The following NFIC variants were observed in gnomAD, a reference collection of about 807,000 sequenced individuals.
NFIC encodes nuclear factor I C.
In NFIC, 12 loss-of-function variants were observed where a neutral mutation model predicts 54.4. That is an observed-to-expected ratio of 0.22 (90% confidence interval 0.14 to 0.36). NFIC has a LOEUF of 0.36. Ranked by LOEUF, NFIC falls within the 10% of genes least tolerant of loss-of-function variation. The pLI, the probability that NFIC is intolerant of heterozygous loss-of-function variation, is 1.00. For synonymous variants in NFIC, 322 were observed against 319.2 expected (o/e 1.01, Z -0.09); for missense variants, 575 against 718.2 (o/e 0.80, Z 2.28).
At chr19:3,413,597 A>G (rs2081800369) in intron 2 of NFIC, among the ~76,000 whole-genome samples, 1 of 152,114 alleles carries the variant, frequency 6.6e-6, no homozygotes, top group Non-Finnish European at 1.5e-5. Context: ...CAATGGAGGC[A>G]ACATTTGCAG....
At chr19:3,433,688 TC>T in intron 4 of NFIC, 96 bp downstream of exon 4, 1 of 1,340,050 alleles carries the variant, frequency 7.5e-7, no homozygotes. Context: ...CCTTGTCCTT[TC>T]CAGACAACCC....
At chr19:3,419,918 C>G (rs951479933) in intron 2 of NFIC, among the ~76,000 whole-genome samples, 2 of 152,142 alleles carry the variant, frequency 1.3e-5, no homozygotes, top group Non-Finnish European at 2.9e-5. Flanking sequence ...TAACCCCGTA[C>G]TTAGTGGTGA....
At chr19:3,407,099 T>C (rs776780690) in intron 2 of NFIC, among the ~76,000 whole-genome samples, 1 of 152,016 alleles carries the variant, frequency 6.6e-6, no homozygotes, top group Non-Finnish European at 1.5e-5. Flanking sequence ...GACTTTTAGA[T>C]ATTTGGTTTT....
chr19:3,434,248 G>A lies in NFIC; in HGVS notation c.710-29G>A. The A allele has an allele frequency of 1.9e-6, 3 of 1,596,004 alleles. No individual in the cohort carries two copies. In the South Asian group the frequency reaches 3.4e-5, roughly 18 times the overall value. On this transcript the variant is annotated intron_variant, in intron 4 of 10. Coordinates refer to ENST00000443272, the MANE Select transcript of NFIC (RefSeq NM_001245002.2). ...ACCGCAGCACTGGGCACTGCTTCCT[G>A]CCTCACTCTCCTCTGTCACCCTCTG... is the stretch of plus-strand genomic sequence containing the variant.
intron 6 of NFIC, 49 bp from the exon 7 acceptor site, chr19:3,448,965 T>C: frequency 1.3e-6 from 2 of 1,580,546 alleles, no homozygotes; most frequent in Middle Eastern, 1.7e-4. Context: ...GGTCCAGGGC[T>C]CATGGGGTGT....
chr19:3,452,562 T>A lies in NFIC; in HGVS notation c.1165T>A (p.Phe389Ile). The change falls in exon 8 of 11, where the codon TTC (phenylalanine) becomes ATC (isoleucine). Residue 389 changes from phenylalanine to isoleucine, a missense_variant. Physicochemically the swap from Phe to Ile is conservative, Grantham distance 21. Around this residue, in one of 3 missense-constraint regions of NFIC, gnomAD observed 447 missense variants for 526.9 expected, o/e 0.85. Transcript: ENST00000443272. This position sits in a 1 kb window ranked among gnomAD's most constrained non-coding sequence, Gnocchi z 5.3. ...SILPQTASTY[F>I]PHTAIRYPPH... The stretch of plus-strand genomic sequence containing the variant: ...CCTACCCCAGACGGCCTCCACCTAC[T>A]TCCCCCACACGGCCATCCGCTACCC... 1 of 1,613,764 alleles carries A rather than the reference T, an allele frequency of 6.2e-7. No individual in the cohort carries two copies. Among genetic ancestry groups the A allele is most frequent in the East Asian group, 2.2e-5 (1 of 44,872 alleles).
Position 3,465,537 on chromosome 19 carries a change from T to G in NFIC, c.*2768T>G, listed in dbSNP as rs1363880825. 6.6e-6 allele frequency: 1 copy of G among 151,032 alleles called. No individual in the cohort carries two copies. The highest frequency in any genetic ancestry group is 1.5e-5 in the Non-Finnish European group (1 of 67,850). The allele number at this position is 151,032 out of a possible 1,614,324, so 9.4% of individuals were successfully genotyped here. On this transcript the variant is annotated 3_prime_UTR_variant, in exon 11 of 11. Coordinates refer to ENST00000443272, the MANE Select transcript of NFIC (RefSeq NM_001245002.2). ...CAGCCCCTGGCTGTCCTTGGTCCTG[T>G]CTCCCCTCCTGCTGTATTCAGGGGT...
chr19:3,366,632 C>T lies in NFIC; in HGVS notation c.-5C>T. 6.7e-7 allele frequency: 1 copy of T among 1,500,074 alleles called. No individual in the cohort carries two copies. The highest frequency in any genetic ancestry group is 8.8e-7 in the Non-Finnish European group (1 of 1,131,090). The allele number at this position is 1,500,074 out of a possible 1,614,324, so 92.9% of individuals were successfully genotyped here. A position where few individuals can be genotyped will look rare whatever the true frequency, so the allele number is the denominator to read the frequency against. The stretch of plus-strand genomic sequence containing the variant: ...GCCGGCCCTGCGCCTCCCGCCGCGC[C>T]CGGGATGTATTCGTCCCCGCTCTGC... On this transcript the variant is annotated 5_prime_UTR_variant, in exon 1 of 11. Coordinates refer to ENST00000443272, the MANE Select transcript of NFIC (RefSeq NM_001245002.2).
chr19:3,380,750 G>A (rs913454877), intron 1 of NFIC, among the ~76,000 whole-genome samples: 1 of 149,464 alleles, frequency 6.7e-6, no homozygotes, highest in Admixed American at 6.8e-5. Flanking sequence ...TCCCACCCCA[G>A]CCTCCCAACT....
intron 2 of NFIC, among the ~76,000 whole-genome samples, chr19:3,413,074 G>A (rs532370541): frequency 5.9e-5 from 9 of 152,218 alleles, no homozygotes; most frequent in East Asian, 1.9e-4. Flanking sequence ...TCAGCCTTCC[G>A]AGTAGCTGGG....
chr19:3,447,630 C>T (rs2082392807), intron 6 of NFIC, among the ~76,000 whole-genome samples: 1 of 152,262 alleles, frequency 6.6e-6, no homozygotes, highest in African/African-American at 2.4e-5. Flanking sequence ...CCTGCACAGG[C>T]ACCCCTGGCC....
chr19:3,395,979 G>T (rs1475793377), intron 2 of NFIC, among the ~76,000 whole-genome samples: 1 of 152,096 alleles, frequency 6.6e-6, no homozygotes. Flanking sequence ...ATTTTTCGTA[G>T]ACAGGAGGTC....
chr19:3,382,233 G>T lies in NFIC; in HGVS notation c.552G>T (p.Val184=). 6.2e-7 allele frequency: 1 copy of T among 1,601,530 alleles called. No individual in the cohort carries two copies. The highest frequency in any genetic ancestry group is 8.5e-7 in the Non-Finnish European group (1 of 1,178,790). ...KELDLYLAYF[V]RERDAEQSGS... ...TGGACCTCTACCTGGCCTACTTCGT[G>T]CGTGAGCGAGGTGAGGTGTGGTGGC... The change falls in exon 2 of 11, where the codon GTG becomes GTT. Residue 184 remains valine (V), a synonymous_variant. Transcript: ENST00000443272.
chr19:3,388,914 A>G (rs1430879768), intron 2 of NFIC, among the ~76,000 whole-genome samples: 2 of 152,118 alleles, frequency 1.3e-5, no homozygotes, highest in Non-Finnish European at 2.9e-5. Flanking sequence ...CTGAGGCAGG[A>G]GAGTCGCTTG....
chr19:3,433,438 G>A lies in NFIC; in HGVS notation c.635-80G>A. The A allele has an allele frequency of 2.1e-6, 3 of 1,455,774 alleles. No individual in the cohort carries two copies. The South Asian group carries it at 3.4e-5, about 17-fold the overall frequency. 90.2% of individuals were successfully genotyped at this position (1,455,774 alleles called of 1,614,324 possible). A position where few individuals can be genotyped will look rare whatever the true frequency, so the allele number is the denominator to read the frequency against. ...ACGTCCAGGCTCGGGCCAGCCCCCA[G>A]GAGTCCAGGCAGCCCTGGAGTGTGG... On this transcript the variant is annotated intron_variant, in intron 3 of 10. Transcript: ENST00000443272.
At position 3,464,185 on chromosome 19, in the gene NFIC, G is replaced by C. The variant is rs1159671768; in HGVS notation, c.*1416G>C. 1.0e-6 allele frequency: 1 copy of C among 985,222 alleles called. No individual in the cohort carries two copies. Among genetic ancestry groups the C allele is most frequent in the African/African-American group, 1.7e-5 (1 of 57,204 alleles). 61.0% of individuals were successfully genotyped at this position (985,222 alleles called of 1,614,324 possible). Reference sequence around the variant, plus strand: ...GCACTTTCATCGCCTACCCCGACGCGGGGCCCAGCTGCGGGACGTGCATCA... The same window carrying C: ...GCACTTTCATCGCCTACCCCGACGCCGGGCCCAGCTGCGGGACGTGCATCA... On this transcript the variant is annotated 3_prime_UTR_variant, in exon 11 of 11. Coordinates refer to ENST00000443272, the MANE Select transcript of NFIC (RefSeq NM_001245002.2).
At chr19:3,419,544 G>A (rs923401642) in intron 2 of NFIC, among the ~76,000 whole-genome samples, 2 of 151,964 alleles carry the variant, frequency 1.3e-5, no homozygotes, top group East Asian at 1.9e-4. Flanking sequence ...TGAGGCACGC[G>A]GATCACTTGA....
chr19:3,374,938 G>A (rs539962090), intron 1 of NFIC, among the ~76,000 whole-genome samples: 8 of 152,240 alleles, frequency 5.3e-5, no homozygotes, highest in Middle Eastern at 3.4e-3. Context: ...GTAACTAGCC[G>A]GGGTCACCAC....
intron 2 of NFIC, among the ~76,000 whole-genome samples, chr19:3,394,513 T>TCCCCCCCC (rs1192475558): frequency 1.1e-4 from 1 of 9,004 alleles, no homozygotes; most frequent in African/African-American, 3.9e-4. Context: ...TTATGATCTT[T>TCCCCCCCC]TCCCCACCCA....
Sources: allele counts gnomAD v4.1 joint callset (sites outside exome capture counted in the v4.1 genomes callset), GRCh38; gene constraint gnomAD v4.1.1; regional missense constraint gnomAD v4.1.1; non-coding constraint Gnocchi (gnomAD v3.1); transcripts MANE v1.5; gene names NCBI Gene and HGNC (gene_info 2026-07-23, HGNC 2026-07-21).